Variants in ABCA4 observed in about 807,000 individuals in gnomAD.
The protein encoded by ABCA4 is ATP binding cassette subfamily A member 4.
A neutral mutation model predicts 263.7 loss-of-function variants in ABCA4; 196 were observed. The observed-to-expected ratio is 0.74, with a 90% CI of 0.66 to 0.84. The LOEUF (loss-of-function observed/expected upper bound fraction) is 0.84. Ranked by LOEUF, ABCA4 falls within the 40% of genes least tolerant of loss-of-function variation. ABCA4 has a pLI of 0.00. For missense variants in ABCA4, 2,792 were observed against 2,855.1 expected, an observed-to-expected ratio of 0.98 and a Z score of 0.50; for synonymous variants, 1,133 against 1,094.2, an observed-to-expected ratio of 1.04 and a Z score of -0.70.
intron 43 of ABCA4, 55 bp from the exon 44 acceptor site, chr1:94,005,637 T>A (rs1019409462): frequency 6.3e-7 from 1 of 1,577,374 alleles, no homozygotes; most frequent in Non-Finnish European, 8.7e-7. Flanking sequence ...GGGATGACCA[T>A]AGAGCTAGGG....
chr1:94,028,529 C>G (rs17110891), intron 30 of ABCA4, among the ~76,000 whole-genome samples: 12,817 of 152,242 alleles, frequency 0.084, 718 homozygotes, highest in Middle Eastern at 0.2. Flanking sequence ...AAACACATTT[C>G]CATTTGAATG....
chr1:94,108,181 T>C (rs1381838614), intron 4 of ABCA4, among the ~76,000 whole-genome samples: 1 of 152,230 alleles, frequency 6.6e-6, no homozygotes, highest in African/African-American at 2.4e-5. Context: ...TTAATGATAG[T>C]TGGCCTTGCT....
At chr1:94,000,179 G>A (rs1659134904) in intron 47 of ABCA4, among the ~76,000 whole-genome samples, 2 of 152,172 alleles carry the variant, frequency 1.3e-5, no homozygotes, top group Non-Finnish European at 2.9e-5. Context: ...TTAAATAAAT[G>A]AGTAATTGTA....
chr1:94,104,274 G>A (rs971073498), intron 4 of ABCA4, among the ~76,000 whole-genome samples: 12 of 152,180 alleles, frequency 7.9e-5, no homozygotes, highest in African/African-American at 2.9e-4. Context: ...GGAAAGCACT[G>A]GGGTGCGTGA....
intron 36 of ABCA4, chr1:94,018,492 T>C (rs975894986): frequency 2.0e-5 from 9 of 448,332 alleles, no homozygotes; most frequent in African/African-American, 1.8e-4. Context: ...ACTGATAATC[T>C]CTGGTTTTGT....
rs74641924 is a variant in ABCA4 at position 93,998,334 on chromosome 1, A to G, written c.6480-224T>C. The stretch of plus-strand genomic sequence containing the variant: ...GAAAGACCCTGTCTCTACGAAAATT[A>G]GCAGGGCATGGTGGCACATGCCTGT... On this transcript the variant is annotated intron_variant, in intron 47 of 49. Coordinates refer to ENST00000370225, the MANE Select transcript of ABCA4 (RefSeq NM_000350.3). Among the ~76,000 whole-genome samples, 2,482 of 152,230 alleles carry G rather than the reference A, an allele frequency of 0.016. 29 individuals carry two copies. Among genetic ancestry groups the G allele is most frequent in the Non-Finnish European group, 0.025 (1,696 of 67,990 alleles).
intron 42 of ABCA4, 85 bp from the exon 43 acceptor site, chr1:94,007,825 T>G: frequency 7.6e-7 from 1 of 1,307,918 alleles, no homozygotes; most frequent in Non-Finnish European, 1.1e-6. Context: ...GTGTGTGAGC[T>G]GGGGGAGGAA....
chr1:94,083,479 A>G (rs932689593), intron 6 of ABCA4, 38 bp from the exon 7 acceptor site: 2 of 1,503,060 alleles, frequency 1.3e-6, no homozygotes, highest in African/African-American at 1.4e-5. Context: ...AAATATATAT[A>G]TGTTTGTAGG....
chr1:94,075,590 T>C (rs902935923), intron 11 of ABCA4, among the ~76,000 whole-genome samples: 5 of 152,146 alleles, frequency 3.3e-5, no homozygotes, highest in Admixed American at 1.3e-4. Flanking sequence ...AGGTGACAGA[T>C]AGAACGAGGC....
At chr1:94,014,804 AGAGTCCCAGGG>A in intron 37 of ABCA4, 114 bp from the exon 38 acceptor site, 1 of 1,372,636 alleles carries the variant, frequency 7.3e-7, no homozygotes, top group East Asian at 2.3e-5. Flanking sequence ...TGAACTGGCC[AGAGTCCCAGGG>A]GACCAGAGAG....
In ABCA4 at chr1:94,036,750, A is replaced by T. The variant is rs1660348203; in HGVS notation, c.3852T>A (p.Pro1284=). 3 of 1,614,060 alleles carry T rather than the reference A, an allele frequency of 1.9e-6. 1 individual carries two copies. The highest frequency in any genetic ancestry group is 3.3e-5 in the Admixed American group (2 of 60,008). The part of the protein sequence containing the change: ...LKVTEDSDSG[P]LFAGGAQQKR... The stretch of plus-strand genomic sequence containing the variant: ...GCTCCAGCACCATACCCGCAAACAG[A>T]GGTCCTGAATCAGAATCCTCCGTGA... Residue 1284 remains proline, a synonymous_variant, in exon 26 of 50, where the codon CCT becomes CCA. Coordinates refer to ENST00000370225, the MANE Select transcript of ABCA4 (RefSeq NM_000350.3).
chr1:94,116,239 T>G (rs1662755717), intron 1 of ABCA4, among the ~76,000 whole-genome samples: 1 of 152,026 alleles, frequency 6.6e-6, no homozygotes. Context: ...TGTGCCCTCT[T>G]CTCATCCTTG....
At position 94,020,993 on chromosome 1, in the gene ABCA4, A is replaced by G. The variant is rs150873801; in HGVS notation, c.5018+247T>C. ...AAGCTCCAGGAGCAACTTGCTATCA[A>G]AAGCCAAAAGGGAATGGAACCAAAT... On this transcript the variant is annotated intron_variant, in intron 35 of 49. Coordinates refer to ENST00000370225, the MANE Select transcript of ABCA4 (RefSeq NM_000350.3). Among the ~76,000 whole-genome samples, 361 of 152,378 alleles carry G rather than the reference A, an allele frequency of 2.4e-3. 1 individual carries two copies. Among genetic ancestry groups the G allele is most frequent in the Non-Finnish European group, 3.8e-3 (261 of 68,034 alleles).
intron 49 of ABCA4, among the ~76,000 whole-genome samples, chr1:93,995,703 T>G (rs1658980122): frequency 6.6e-6 from 1 of 152,238 alleles, no homozygotes; most frequent in African/African-American, 2.4e-5. Context: ...CCCTTGAAAC[T>G]CAAACACATG....
At chr1:94,091,773 C>G (rs1381559188) in intron 6 of ABCA4, among the ~76,000 whole-genome samples, 1 of 152,244 alleles carries the variant, frequency 6.6e-6, no homozygotes, top group Non-Finnish European at 1.5e-5. Flanking sequence ...GGATCTGCCT[C>G]TACTAACTGA....
chr1:94,018,517 G>T, intron 36 of ABCA4: 1 of 454,076 alleles, frequency 2.2e-6, no homozygotes, highest in Non-Finnish European at 4.4e-6. Context: ...TTAAGTGATA[G>T]CTGCTTACTA....
rs775007453 is a variant in ABCA4 at position 94,077,674 on chromosome 1, G to A, written c.1554+16C>T. On this transcript the variant is annotated intron_variant, in intron 11 of 49. Transcript: ENST00000370225. ...CTATCTTCAAGGGGCCCACTGTGGG[G>A]CTTGCAGCCCCTTACCTCCAGGTAT... The A allele has an allele frequency of 2.2e-5, 35 of 1,601,420 alleles. No homozygotes were observed. The highest frequency in any genetic ancestry group is 1.1e-4 in the South Asian group (10 of 89,384).
In ABCA4 at chr1:94,031,117, C is replaced by T. The variant is rs777063656; in HGVS notation, c.4132G>A (p.Val1378Met). The T allele has an allele frequency of 3.5e-5, 56 of 1,614,030 alleles. No homozygotes were observed. Among genetic ancestry groups the T allele is most frequent in the Non-Finnish European group, 4.1e-5 (48 of 1,179,976 alleles). Residue 1378 changes from valine to methionine, a missense_variant, in exon 28 of 50, where the codon GTG becomes ATG. Val to Met is a conservative substitution (Grantham distance 21). Transcript: ENST00000370225. ...AAAAACACAAAGGTAGCCGGGAGCA[C>T]GATCTGTGGGAGAATAGACGTGGAA... ...RSHKDFLAQIVLPATFVFLAL... is the reference protein window; with the variant it reads ...RSHKDFLAQIMLPATFVFLAL...
chr1:94,078,473 A>G (rs1250921459), intron 10 of ABCA4, 117 bp downstream of exon 10: 7 of 824,620 alleles, frequency 8.5e-6, no homozygotes. Flanking sequence ...TGCTTGTTGT[A>G]TTTTGATCTA....
Sources: gnomAD v4.1 joint callset for allele counts (sites outside exome capture counted in the v4.1 genomes callset) on GRCh38, gnomAD v4.1.1 for gene constraint, MANE v1.5 for transcripts, NCBI Gene and HGNC (gene_info 2026-07-23, HGNC 2026-07-21) for gene names.